AGBL1: variants seen among roughly 807,000 people sequenced by gnomAD.
The protein encoded by AGBL1 is cytosolic carboxypeptidase 4.
AGBL1 carries 130 observed loss-of-function variants against 118.9 expected under a neutral mutation model. That is an observed-to-expected ratio of 1.09 (90% CI 0.95 to 1.26). The LOEUF is 1.26. AGBL1 is among the 50% of genes most tolerant of loss of function. The pLI, the probability that AGBL1 is intolerant of heterozygous loss-of-function variation, is 0.00. For missense variants in AGBL1, 1,584 were observed against 1,298.1 expected (o/e 1.22, Z -3.38); for synonymous variants, 555 against 478.9 (o/e 1.16, Z -2.08).
intron 22 of AGBL1, among the ~76,000 whole-genome samples, chr15:86,899,794 A>G (rs1428578168): frequency 1.3e-5 from 2 of 152,078 alleles, no homozygotes; most frequent in East Asian, 3.9e-4. Flanking sequence ...TGTGATGCAT[A>G]TTGTGAGTGT....
intron 22 of AGBL1, among the ~76,000 whole-genome samples, chr15:86,714,262 A>T (rs908240405): frequency 6.6e-6 from 1 of 152,168 alleles, no homozygotes; most frequent in Non-Finnish European, 1.5e-5. Flanking sequence ...GGTGACAGGG[A>T]TAAAGGAGTT....
intron 1 of AGBL1, among the ~76,000 whole-genome samples, chr15:86,130,079 A>G (rs1362920281): frequency 2.0e-5 from 3 of 152,116 alleles, no homozygotes; most frequent in African/African-American, 7.2e-5. Context: ...GGTAGGGGAA[A>G]GGGCAGGGAT....
At chr15:86,290,259 T>C (rs1039388933) in intron 16 of AGBL1, among the ~76,000 whole-genome samples, 1 of 152,060 alleles carries the variant, frequency 6.6e-6, no homozygotes, top group Non-Finnish European at 1.5e-5. Context: ...CTTGTTTAAC[T>C]GGGTTTTATT....
At chr15:86,841,328 G>A (rs576365876) in intron 22 of AGBL1, among the ~76,000 whole-genome samples, 38 of 152,306 alleles carry the variant, frequency 2.5e-4, no homozygotes, top group Admixed American at 2.2e-3. Context: ...AGTATAAGGG[G>A]TCAGGGGCAG....
chr15:86,991,791 G>T (rs552391917), intron 24 of AGBL1, among the ~76,000 whole-genome samples: 1 of 152,156 alleles, frequency 6.6e-6, no homozygotes, highest in Admixed American at 6.6e-5. Context: ...AATTCCCTCA[G>T]TAATCACCAA....
At chr15:86,669,269 A>G (rs1323438122) in intron 21 of AGBL1, among the ~76,000 whole-genome samples, 2 of 152,192 alleles carry the variant, frequency 1.3e-5, no homozygotes, top group African/African-American at 4.8e-5. Context: ...TATGTTTTTC[A>G]GAAATGGTTT....
At chr15:86,752,774 T>G (rs1567156873) in intron 22 of AGBL1, among the ~76,000 whole-genome samples, 1 of 152,228 alleles carries the variant, frequency 6.6e-6, no homozygotes, top group East Asian at 1.9e-4. Context: ...GAAACCAAAC[T>G]CTCTGTGACC....
intron 18 of AGBL1, among the ~76,000 whole-genome samples, chr15:86,413,130 A>C (rs1316307065): frequency 6.6e-6 from 1 of 152,162 alleles, no homozygotes; most frequent in Non-Finnish European, 1.5e-5. Context: ...TTAGAGGTGA[A>C]AGACATCTTA....
intron 22 of AGBL1, among the ~76,000 whole-genome samples, chr15:86,878,077 C>A (rs563990189): frequency 1.3e-5 from 2 of 152,272 alleles, no homozygotes; most frequent in African/African-American, 4.8e-5. Context: ...CTGATTTCCA[C>A]ATGGAGTTTA....
chr15:86,207,435 T>C (rs58372109), intron 5 of AGBL1, among the ~76,000 whole-genome samples: 212 of 152,366 alleles, frequency 1.4e-3, no homozygotes, highest in African/African-American at 5.0e-3. Context: ...TGATTCTTCT[T>C]ATCCATGAGC....
chr15:86,624,987 T>C (rs1370747834), intron 21 of AGBL1, among the ~76,000 whole-genome samples: 2 of 152,114 alleles, frequency 1.3e-5, no homozygotes, highest in Admixed American at 6.5e-5. Flanking sequence ...ACGGAGGGGA[T>C]CGACATTTTG....
chr15:86,256,744 C>A, intron 7 of AGBL1, 109 bp from the exon 8 acceptor site: 1 of 1,125,536 alleles, frequency 8.9e-7, no homozygotes, highest in Non-Finnish European at 1.3e-6. Context: ...AGCTGAAACA[C>A]AGCTAGGAGA....
Position 86,716,065 on chromosome 15 carries a change from CAAA to C in AGBL1, c.3158+41644_3158+41646del, listed in dbSNP as rs35322996. ...TGGGCAACAGAGCAAGACTCCGTCT[CAAA>C]AAAAAAAAAAAAAAGAAATCAGTTA... is the stretch of plus-strand genomic sequence containing the variant. On this transcript the variant is annotated intron_variant, in intron 22 of 22. Coordinates refer to ENST00000614907, the MANE Select transcript of AGBL1 (RefSeq NM_001386094.1). 3.3e-3 allele frequency among the ~76,000 whole-genome samples: 361 copies of C among 109,758 alleles called. 2 individuals carry two copies. Among genetic ancestry groups the C allele is most frequent in the African/African-American group, 0.01 (327 of 31,764 alleles). The allele number at this position is 109,758 out of a possible 152,430, so 72.0% of individuals were successfully genotyped here.
chr15:86,495,243 T>A (rs185091147), intron 18 of AGBL1, among the ~76,000 whole-genome samples: 34 of 152,018 alleles, frequency 2.2e-4, no homozygotes, highest in African/African-American at 7.9e-4. Flanking sequence ...GAAATTTTTA[T>A]TAAATTCTTC....
At chr15:86,882,529 G>A (rs2079909961) in intron 22 of AGBL1, among the ~76,000 whole-genome samples, 1 of 152,056 alleles carries the variant, frequency 6.6e-6, no homozygotes, top group Non-Finnish European at 1.5e-5. Context: ...ACCTTTTTAA[G>A]CTTCACTGTT....
At chr15:86,252,354 A>C (rs1273256438) in intron 7 of AGBL1, among the ~76,000 whole-genome samples, 1 of 152,212 alleles carries the variant, frequency 6.6e-6, no homozygotes, top group Non-Finnish European at 1.5e-5. Context: ...GGTTGGAATC[A>C]AGAACTGGAT....
downstream of AGBL1, among the ~76,000 whole-genome samples, chr15:87,030,571 A>G (rs1450683397): frequency 2.0e-5 from 3 of 152,006 alleles, no homozygotes; most frequent in Non-Finnish European, 2.9e-5. Flanking sequence ...GCAAATAACT[A>G]AGGAAAGAGT....
At chr15:86,616,407 T>A (rs2142401305) in intron 21 of AGBL1, among the ~76,000 whole-genome samples, 1 of 150,810 alleles carries the variant, frequency 6.6e-6, no homozygotes, top group East Asian at 1.9e-4. Context: ...ATTAGATTGG[T>A]GGTCATTGTA....
At position 86,264,841 on chromosome 15, in the gene AGBL1, G is replaced by A; in HGVS notation, c.1667+3G>A. On this transcript the variant is annotated splice_donor_region_variant and intron_variant, in intron 11 of 22. Coordinates refer to ENST00000614907, the MANE Select transcript of AGBL1 (RefSeq NM_001386094.1). ...GAACGAAAATGTGGAGTCCAAAGGT[G>A]ATGGCGCTACTGACTTGGGAGCTCT... 1 of 1,581,628 alleles carries A rather than the reference G, an allele frequency of 6.3e-7. No individual in the cohort carries two copies. The highest frequency in any genetic ancestry group is 2.2e-5 in the East Asian group (1 of 44,626).
Sources: allele counts gnomAD v4.1 joint callset (sites outside exome capture counted in the v4.1 genomes callset), GRCh38; gene constraint gnomAD v4.1.1; transcripts MANE v1.5; gene names NCBI Gene and HGNC (gene_info 2026-07-23, HGNC 2026-07-21).